The following FAM78A variants were observed in gnomAD, a reference collection of about 807,000 sequenced individuals.
FAM78A encodes the protein protein FAM78A.
FAM78A carries 12 observed loss-of-function variants against 22.6 expected under a neutral mutation model. That is an observed-to-expected ratio of 0.53 (90% CI 0.34 to 0.86). The LOEUF (loss-of-function observed/expected upper bound fraction) is 0.86, where lower values mean the gene tolerates loss of function less well. Ranked by LOEUF, FAM78A falls within the 40% of genes least tolerant of loss-of-function variation. The probability of loss-of-function intolerance (pLI) is 0.02; values close to 1 mark genes in which losing one functional copy is unlikely to be tolerated. For missense variants in FAM78A, 322 were observed against 396.1 expected (o/e 0.81, Z 1.59); for synonymous variants, 151 against 155.8 (o/e 0.97, Z 0.23).
chr9:131,263,114 C>T (rs2131156146), intron 1 of FAM78A, among the ~76,000 whole-genome samples: 1 of 151,900 alleles, frequency 6.6e-6, no homozygotes, highest in South Asian at 2.1e-4. Flanking sequence ...TGGTGGGCAC[C>T]TGTAATCACA....
At chr9:131,268,051 CAAAA>C (rs397894549) in intron 1 of FAM78A, among the ~76,000 whole-genome samples, 1 of 52,390 alleles carries the variant, frequency 1.9e-5, no homozygotes. Flanking sequence ...GACTCTGTCT[CAAAA>C]AAAAAAAAAA....
chr9:131,270,032 T>TAAAAAAAAA (rs1435340970), intron 1 of FAM78A, among the ~76,000 whole-genome samples: 1 of 34,098 alleles, frequency 2.9e-5, no homozygotes, highest in African/African-American at 9.3e-5. Context: ...CCATCCCTAC[T>TAAAAAAAAA]AAAATAAAAA....
At chr9:131,269,789 T>C (rs1467599434) in intron 1 of FAM78A, among the ~76,000 whole-genome samples, 1 of 152,150 alleles carries the variant, frequency 6.6e-6, no homozygotes, top group East Asian at 1.9e-4. Context: ...TGTGCATCTT[T>C]ATGTGCTGCT....
intron 1 of FAM78A, chr9:131,270,453 G>A (rs879075803): frequency 1.1e-5 from 8 of 717,120 alleles, no homozygotes; most frequent in Non-Finnish European, 1.6e-5. Context: ...GTTGAGTGAC[G>A]CCTCACTTGG....
chr9:131,267,862 G>A (rs1053981084), intron 1 of FAM78A, among the ~76,000 whole-genome samples: 9 of 151,858 alleles, frequency 5.9e-5, no homozygotes, highest in African/African-American at 1.4e-4. Context: ...TGGCTAACAC[G>A]GTGAAACCCC....
rs917604115 is a variant in FAM78A, at chr9:131,265,144, T to C, written c.324-3794A>G. Among the ~76,000 whole-genome samples the C allele has an allele frequency of 7.9e-5, 12 of 152,266 alleles. No individual in the cohort carries two copies. Among genetic ancestry groups the C allele is most frequent in the African/African-American group, 2.9e-4 (12 of 41,476 alleles). On this transcript the variant is annotated intron_variant, in intron 1 of 1. Transcript: ENST00000372271. The surrounding 1 kb of genome is among the most constrained non-coding windows in gnomAD (Gnocchi z 4.3). ...ATTGGTATTTTTCTTCTGTTTCTTC[T>C]TGGTACTTATTGGGGATTTAAACAT...
At chr9:131,277,836 C>T (rs541521702), upstream of FAM78A, among the ~76,000 whole-genome samples, 6 of 151,484 alleles carry the variant, frequency 4.0e-5, no homozygotes, top group South Asian at 1.0e-3. The surrounding 1 kb of genome is among the most constrained non-coding windows in gnomAD (Gnocchi z 8.4). Context: ...CGCTCAGCCC[C>T]GCCGCCGCGC....
In FAM78A at chr9:131,274,329, T is replaced by G. The variant is rs12347363; in HGVS notation, c.323+1528A>C. On this transcript the variant is annotated intron_variant, in intron 1 of 1. Transcript: ENST00000372271. This position sits in a 1 kb window ranked among gnomAD's most constrained non-coding sequence, Gnocchi z 4.2. ...CAAAACCCCGAGGAAAACTTTTGTT[T>G]CTACAACTGTCCCGATGCCTTCAAA... Among the ~76,000 whole-genome samples, 26 of 152,206 alleles carry G rather than the reference T, an allele frequency of 1.7e-4. No homozygotes were observed. Among genetic ancestry groups the G allele is most frequent in the African/African-American group, 5.8e-4 (24 of 41,420 alleles).
In FAM78A at chr9:131,272,893, T is replaced by C. The variant is rs1258402620; in HGVS notation, c.323+2964A>G. On this transcript the variant is annotated intron_variant, in intron 1 of 1. Transcript: ENST00000372271. This position sits in a 1 kb window ranked among gnomAD's most constrained non-coding sequence, Gnocchi z 4.1. ...TTGTAGTGAGCCAAGATTGGCACCA[T>C]TGCACTCCAGCCTGGGCGACAAGAA... Among the ~76,000 whole-genome samples, 3 of 151,864 alleles carry C rather than the reference T, an allele frequency of 2.0e-5. No individual in the cohort carries two copies. The highest frequency in any genetic ancestry group is 2.9e-5 in the Non-Finnish European group (2 of 67,968).
In FAM78A at chr9:131,274,312, C is replaced by T. The variant is rs566650237; in HGVS notation, c.323+1545G>A. Among the ~76,000 whole-genome samples the T allele has an allele frequency of 2.6e-5, 4 of 152,324 alleles. No homozygotes were observed. Among genetic ancestry groups the T allele is most frequent in the Non-Finnish European group, 4.4e-5 (3 of 68,034 alleles). Reference sequence around the variant, plus strand: ...AGAAACTAGGCTTAGCCCAAAACCCCGAGGAAAACTTTTGTTTCTACAACT... The same window carrying T: ...AGAAACTAGGCTTAGCCCAAAACCCTGAGGAAAACTTTTGTTTCTACAACT... On this transcript the variant is annotated intron_variant, in intron 1 of 1. Transcript: ENST00000372271. This position sits in a 1 kb window ranked among gnomAD's most constrained non-coding sequence, Gnocchi z 4.2.
At chr9:131,270,859 G>T (rs1239261033) in intron 1 of FAM78A, among the ~76,000 whole-genome samples, 12 of 152,162 alleles carry the variant, frequency 7.9e-5, no homozygotes, top group Admixed American at 7.9e-4. Flanking sequence ...ATCATAAAAT[G>T]AGGCCTTCCT....
At position 131,260,274 on chromosome 9, in the gene FAM78A, C is replaced by T. The variant is rs1370812603; in HGVS notation, c.*548G>A. On this transcript the variant is annotated 3_prime_UTR_variant, in exon 2 of 2. Coordinates refer to ENST00000372271, the MANE Select transcript of FAM78A (RefSeq NM_033387.4). The surrounding 1 kb of genome is among the most constrained non-coding windows in gnomAD (Gnocchi z 5.4). ...TCCGGTAGAAAAGAGATCCTGCTTT[C>T]TTTCTCCGATTGGTTTTCTTCCTTT... is the stretch of plus-strand genomic sequence containing the variant. The T allele has an allele frequency of 1.3e-5, 2 of 152,792 alleles. No individual in the cohort carries two copies. 9.5% of individuals were successfully genotyped at this position (152,792 alleles called of 1,614,324 possible). A position where few individuals can be genotyped will look rare whatever the true frequency, so the allele number is the denominator to read the frequency against.
At position 131,259,339 on chromosome 9, in the gene FAM78A, G is replaced by GT. The variant is rs2131140568; in HGVS notation, c.*1482dup. Reference sequence around the variant, plus strand: ...GTGACCTGGGACCGAGGGAGGGCAGGTCCCAGGGATGGGCTTCCAGACGTC... The same window carrying GT: ...GTGACCTGGGACCGAGGGAGGGCAGGTTCCCAGGGATGGGCTTCCAGACGTC... On this transcript the variant is annotated 3_prime_UTR_variant, in exon 2 of 2. Coordinates refer to ENST00000372271, the MANE Select transcript of FAM78A (RefSeq NM_033387.4). 1 of 152,512 alleles carries GT rather than the reference G, an allele frequency of 6.6e-6. No homozygotes were observed. Among genetic ancestry groups the GT allele is most frequent in the Non-Finnish European group, 1.5e-5 (1 of 68,124 alleles). 9.4% of individuals were successfully genotyped at this position (152,512 alleles called of 1,614,324 possible).
chr9:131,271,726 G>T (rs543188882), intron 1 of FAM78A, among the ~76,000 whole-genome samples: 71 of 152,388 alleles, frequency 4.7e-4, no homozygotes, highest in African/African-American at 1.7e-3. Context: ...TGTGGGCCAG[G>T]TTCCCAGGGG....
Position 131,272,036 on chromosome 9 carries a change from A to G in FAM78A, c.323+3821T>C, listed in dbSNP as rs748333599. Among the ~76,000 whole-genome samples, 7 of 151,550 alleles carry G rather than the reference A, an allele frequency of 4.6e-5. No individual in the cohort carries two copies. Among genetic ancestry groups the G allele is most frequent in the Non-Finnish European group, 8.8e-5 (6 of 67,868 alleles). On this transcript the variant is annotated intron_variant, in intron 1 of 1. Transcript: ENST00000372271. This position sits in a 1 kb window ranked among gnomAD's most constrained non-coding sequence, Gnocchi z 4.1. The stretch of plus-strand genomic sequence containing the variant: ...ATTGAGATGGTGGTTTTTTTTTTTA[A>G]TTGTTCCATTTCAAATATTTCAAAC...
intron 1 of FAM78A, among the ~76,000 whole-genome samples, chr9:131,267,205 T>C: frequency 6.6e-6 from 1 of 152,096 alleles, no homozygotes; most frequent in African/African-American, 2.4e-5. Context: ...AGCGATCCTC[T>C]CACCTCAGCC....
In FAM78A at chr9:131,275,969, C is replaced by T. The variant is rs1835478922; in HGVS notation, c.211G>A (p.Ala71Thr). 1 of 1,613,452 alleles carries T rather than the reference C, an allele frequency of 6.2e-7. No homozygotes were observed. The highest frequency in any genetic ancestry group is 1.7e-5 in the Admixed American group (1 of 60,002). ...VLRYRTPHFR[A>T]SAQVVMPPIP... is the part of the protein sequence containing the mutation. ...GGCGGCATGACCACCTGGGCCGAGG[C>T]CCGGAAGTGGGGTGTCCGGTAGCGG... is the stretch of plus-strand genomic sequence containing the variant. Residue 71 changes from alanine (A) to threonine (T), a missense_variant, in exon 1 of 2, where the codon GCC becomes ACC. By Grantham distance (58) the Ala-to-Thr change is moderately conservative. Coordinates refer to ENST00000372271, the MANE Select transcript of FAM78A (RefSeq NM_033387.4). This position sits in a 1 kb window ranked among gnomAD's most constrained non-coding sequence, Gnocchi z 4.6.
chr9:131,262,547 C>A (rs566942706), intron 1 of FAM78A: 1 of 151,364 alleles, frequency 6.6e-6, no homozygotes, highest in Admixed American at 6.6e-5. Flanking sequence ...TTTGGGAGGC[C>A]GAGGCTGGCC....
Position 131,265,269 on chromosome 9 carries a change from T to C in FAM78A, c.324-3919A>G, listed in dbSNP as rs1835330203. Among the ~76,000 whole-genome samples, 1 of 152,194 alleles carries C rather than the reference T, an allele frequency of 6.6e-6. No individual in the cohort carries two copies. The highest frequency in any genetic ancestry group is 2.4e-5 in the African/African-American group (1 of 41,458). ...ATATCTTAACCACCTTTCTCCTTTTTTTTGAGACAGAGTTTCACTCTTCCT... is the reference window on the plus strand; with the variant it reads ...ATATCTTAACCACCTTTCTCCTTTTCTTTGAGACAGAGTTTCACTCTTCCT... On this transcript the variant is annotated intron_variant, in intron 1 of 1. Coordinates refer to ENST00000372271, the MANE Select transcript of FAM78A (RefSeq NM_033387.4). This position sits in a 1 kb window ranked among gnomAD's most constrained non-coding sequence, Gnocchi z 4.3.
Sources: gnomAD v4.1 joint callset for allele counts (sites outside exome capture counted in the v4.1 genomes callset) on GRCh38, gnomAD v4.1.1 for gene constraint, Gnocchi (gnomAD v3.1) non-coding constraint, MANE v1.5 for transcripts, NCBI Gene and HGNC (gene_info 2026-07-23, HGNC 2026-07-21) for gene names.